The following CACNA2D3 variants were observed in gnomAD, a reference collection of about 807,000 sequenced individuals.
The protein encoded by CACNA2D3 is voltage-dependent calcium channel subunit alpha-2/delta-3.
In CACNA2D3, 60 loss-of-function variants were observed where a neutral mutation model predicts 160.6. The ratio of observed to expected loss-of-function variants is 0.37; its 90% CI spans 0.30 to 0.46. CACNA2D3 has a LOEUF of 0.46. CACNA2D3 is among the 20% of genes least tolerant of loss of function. The pLI is 1.00. For synonymous variants in CACNA2D3, 558 were observed against 492.9 expected (o/e 1.13, Z -1.75); for missense variants, 1,205 against 1,365.0 (o/e 0.88, Z 1.85).
intron 2 of CACNA2D3, among the ~76,000 whole-genome samples, chr3:54,255,154 A>G (rs1702269558): frequency 1.3e-5 from 2 of 152,210 alleles, no homozygotes; most frequent in African/African-American, 2.4e-5. Flanking sequence ...TAAAAATGGA[A>G]TCATGTTTGA....
At chr3:54,200,159 C>T (rs1464297701) in intron 2 of CACNA2D3, among the ~76,000 whole-genome samples, 1 of 152,206 alleles carries the variant, frequency 6.6e-6, no homozygotes, top group African/African-American at 2.4e-5. Flanking sequence ...CTGGAAAATT[C>T]CAATCAGACC....
chr3:55,016,681 C>T (rs1703333019), intron 34 of CACNA2D3, among the ~76,000 whole-genome samples: 1 of 152,210 alleles, frequency 6.6e-6, no homozygotes, highest in Non-Finnish European at 1.5e-5. Flanking sequence ...GACATTTCCC[C>T]TTAATGTCAG....
At chr3:54,357,627 G>A (rs190685156) in intron 3 of CACNA2D3, among the ~76,000 whole-genome samples, 3 of 152,282 alleles carry the variant, frequency 2.0e-5, no homozygotes, top group East Asian at 3.9e-4. Flanking sequence ...AATGTTTATA[G>A]CAGACTTACT....
chr3:54,816,775 AAAT>A (rs1298979868), intron 13 of CACNA2D3, 75 bp from the exon 14 acceptor site: 1 of 1,537,748 alleles, frequency 6.5e-7, no homozygotes, highest in African/African-American at 1.4e-5. Flanking sequence ...AATGGCAAGA[AAAT>A]GAAGCTTTAC....
intron 2 of CACNA2D3, among the ~76,000 whole-genome samples, chr3:54,264,771 C>T (rs1702469413): frequency 6.6e-6 from 1 of 152,178 alleles, no homozygotes; most frequent in African/African-American, 2.4e-5. Context: ...ACTTTTTAGT[C>T]AGTTGATCCA....
At chr3:54,825,540 T>G (rs140569930) in intron 14 of CACNA2D3, among the ~76,000 whole-genome samples, 19 of 152,334 alleles carry the variant, frequency 1.2e-4, no homozygotes, top group Non-Finnish European at 2.2e-4. Context: ...CCTGTATCCA[T>G]CACTTGACAC....
intron 11 of CACNA2D3, among the ~76,000 whole-genome samples, chr3:54,718,046 A>G (rs759412753): frequency 7.9e-5 from 12 of 152,148 alleles, no homozygotes; most frequent in Admixed American, 2.0e-4. Context: ...TTTTTTGTGA[A>G]GTGTTCAAGA....
intron 5 of CACNA2D3, among the ~76,000 whole-genome samples, chr3:54,507,950 G>A (rs1701398715): frequency 6.6e-6 from 1 of 152,258 alleles, no homozygotes; most frequent in Non-Finnish European, 1.5e-5. Context: ...CAGGACTCAA[G>A]TGCTGTGGTC....
chr3:55,065,615 T>C (rs1183170019), intron 35 of CACNA2D3, among the ~76,000 whole-genome samples: 2 of 150,172 alleles, frequency 1.3e-5, no homozygotes, highest in Non-Finnish European at 2.9e-5. Context: ...TGCAGTGAGC[T>C]ACGATTGCAC....
chr3:55,039,059 T>G (rs1010436000), intron 35 of CACNA2D3, among the ~76,000 whole-genome samples: 7 of 151,772 alleles, frequency 4.6e-5, no homozygotes, highest in Non-Finnish European at 1.0e-4. Context: ...CCCTGCAACT[T>G]TAGTTACAAG....
intron 27 of CACNA2D3, among the ~76,000 whole-genome samples, chr3:54,908,265 A>C (rs373416389): frequency 6.6e-6 from 1 of 152,090 alleles, no homozygotes; most frequent in African/African-American, 2.4e-5. Context: ...AGTGATTTCT[A>C]TTTCCCTAAT....
chr3:54,992,348 T>G (rs1702760767), intron 31 of CACNA2D3, among the ~76,000 whole-genome samples: 1 of 152,162 alleles, frequency 6.6e-6, no homozygotes, highest in Non-Finnish European at 1.5e-5. Context: ...TGTGAGTAAC[T>G]GAGGTGTCCC....
intron 4 of CACNA2D3, among the ~76,000 whole-genome samples, chr3:54,490,330 G>T (rs1050493043): frequency 1.1e-3 from 3 of 2,812 alleles, no homozygotes; most frequent in African/African-American, 1.2e-3. Flanking sequence ...TTCCATCCCT[G>T]CGCAGCAGCA....
intron 4 of CACNA2D3, among the ~76,000 whole-genome samples, chr3:54,454,235 C>T (rs1016324335): frequency 1.3e-5 from 2 of 152,090 alleles, no homozygotes; most frequent in Non-Finnish European, 2.9e-5. Context: ...GTATAATTTG[C>T]ATCAATAAAA....
intron 4 of CACNA2D3, among the ~76,000 whole-genome samples, chr3:54,475,350 A>C (rs777046154): frequency 5.3e-5 from 8 of 152,196 alleles, no homozygotes; most frequent in Non-Finnish European, 8.8e-5. Context: ...AAAATAATTG[A>C]ATTATCTCCC....
chr3:54,427,394 C>T lies in CACNA2D3; in HGVS notation c.381+40620C>T, dbSNP rs377283172. Among the ~76,000 whole-genome samples the T allele has an allele frequency of 6.6e-5, 10 of 152,192 alleles. No individual in the cohort carries two copies. The South Asian group carries it at 8.3e-4, about 13-fold the overall frequency. On this transcript the variant is annotated intron_variant, in intron 4 of 37. Transcript: ENST00000474759. The stretch of plus-strand genomic sequence containing the variant: ...AGATGTGCCGGGAGGGCCTCAGCAT[C>T]ATGCTTGGTGTGCACTCCCAGTTAG...
At chr3:54,900,678 A>AT (rs755700490) in intron 27 of CACNA2D3, among the ~76,000 whole-genome samples, 8 of 152,192 alleles carry the variant, frequency 5.3e-5, no homozygotes, top group Non-Finnish European at 1.0e-4. Context: ...AAAGAGAGCG[A>AT]TTTTTGTTTT....
intron 2 of CACNA2D3, among the ~76,000 whole-genome samples, chr3:54,156,206 G>A (rs1005885637): frequency 1.3e-5 from 2 of 152,176 alleles, no homozygotes; most frequent in Non-Finnish European, 2.9e-5. Context: ...CAGCAGGGGA[G>A]CGGGGAAATG....
intron 2 of CACNA2D3, among the ~76,000 whole-genome samples, chr3:54,222,986 T>G (rs1169728873): frequency 6.6e-6 from 1 of 152,258 alleles, no homozygotes; most frequent in Non-Finnish European, 1.5e-5. Flanking sequence ...GTGTTACTTT[T>G]TCCTCTCCAT....
Sources: gnomAD v4.1 joint callset for allele counts (sites outside exome capture counted in the v4.1 genomes callset) on GRCh38, gnomAD v4.1.1 for gene constraint, MANE v1.5 for transcripts, NCBI Gene and HGNC (gene_info 2026-07-23, HGNC 2026-07-21) for gene names.